Variants in PAX8 observed in about 807,000 individuals in gnomAD.
PAX8 encodes the protein paired box protein Pax-8.
In PAX8, 15 loss-of-function variants were observed where a neutral mutation model predicts 52.4. The ratio of observed to expected loss-of-function variants is 0.29; its 90% CI spans 0.19 to 0.44. The LOEUF is 0.44. Among genes scored for constraint, PAX8 ranks in the 20% least tolerant of loss-of-function variants. PAX8 has a pLI of 1.00. For synonymous variants in PAX8, 284 were observed against 249.7 expected (o/e 1.14, Z -1.29); for missense variants, 554 against 602.5 (o/e 0.92, Z 0.84).
rs751606741 is a variant in PAX8, at chr2:113,246,869, G to A, written c.76C>T (p.Leu26=). ...ATGCGCTGGCGGACCACTTCCGGCA[G>A]AGGTCTGCCATTCACAAAGGCCCCT... ...LGGAFVNGRP[L]PEVVRQRIVD... The change falls in exon 3 of 12, where the codon CTG becomes TTG. Residue 26 remains leucine, a synonymous_variant. Transcript: ENST00000429538. 27 of 1,614,108 alleles carry A rather than the reference G, an allele frequency of 1.7e-5. No individual in the cohort carries two copies. The highest frequency in any genetic ancestry group is 2.1e-5 in the Non-Finnish European group (25 of 1,180,030).
At position 113,246,870 on chromosome 2, in the gene PAX8, A is replaced by G. The variant is rs1321193232; in HGVS notation, c.75T>C (p.Pro25=). 1.9e-6 allele frequency: 3 copies of G among 1,614,194 alleles called. No individual in the cohort carries two copies. In the Admixed American group the frequency reaches 5.0e-5, roughly 27 times the overall value. The part of the protein sequence containing the change: ...QLGGAFVNGR[P]LPEVVRQRIV... ...TGCGCTGGCGGACCACTTCCGGCAG[A>G]GGTCTGCCATTCACAAAGGCCCCTC... Residue 25 remains proline, a synonymous_variant, in exon 3 of 12, where the codon CCT becomes CCC. Transcript: ENST00000429538.
chr2:113,254,066 C>T (rs965760150), intron 2 of PAX8, among the ~76,000 whole-genome samples: 5 of 152,104 alleles, frequency 3.3e-5, no homozygotes, highest in Admixed American at 1.3e-4. Context: ...AACTAATAGC[C>T]TTTATCTTTT....
rs1255560963 is a variant in PAX8, at chr2:113,235,400, G to A, written c.1081C>T (p.Leu361Phe). 5 of 1,580,094 alleles carry A rather than the reference G, an allele frequency of 3.2e-6. No individual in the cohort carries two copies. Among genetic ancestry groups the A allele is most frequent in the South Asian group, 2.3e-5 (2 of 86,860 alleles). The change falls in exon 9 of 12, where the codon CTC becomes TTC. Residue 361 changes from leucine to phenylalanine, a missense_variant. Around this residue, in one of 2 missense-constraint regions of PAX8, gnomAD observed 445 missense variants for 409.9 expected, o/e 1.09. Coordinates refer to ENST00000429538, the MANE Select transcript of PAX8 (RefSeq NM_003466.4). ...CGGGACCTCCCTGTCGTACCTGAGA[G>A]GAGGGCCTGGCCCGTGAACTGCCCG... The part of the protein sequence containing the change: ...VYGQFTGQAL[L>F]SGREMVGPTL...
At chr2:113,255,190 TAGAGGGAAGGAG>T (rs1692128133) in intron 2 of PAX8, among the ~76,000 whole-genome samples, 17 of 117,224 alleles carry the variant, frequency 1.5e-4, no homozygotes, top group Non-Finnish European at 2.5e-4. Context: ...GACAGAGGAA[TAGAGGGAAGGAG>T]AGAGGGAAGG....
At chr2:113,223,010 G>A (rs1033607754) in intron 10 of PAX8, among the ~76,000 whole-genome samples, 2 of 152,028 alleles carry the variant, frequency 1.3e-5, no homozygotes, top group African/African-American at 4.8e-5. Flanking sequence ...CCCCAGGCTT[G>A]GTTTCTAGTA....
intron 3 of PAX8, among the ~76,000 whole-genome samples, chr2:113,245,247 A>T (rs1691218201): frequency 6.6e-6 from 1 of 151,956 alleles, no homozygotes; most frequent in African/African-American, 2.4e-5. Flanking sequence ...GGTTTCACTC[A>T]GTTGGCCTGG....
At chr2:113,233,468 A>G (rs979107892) in intron 9 of PAX8, among the ~76,000 whole-genome samples, 1 of 152,132 alleles carries the variant, frequency 6.6e-6, no homozygotes, top group African/African-American at 2.4e-5. Flanking sequence ...GACCAAGGTC[A>G]GGAGATTGAG....
At chr2:113,256,771 G>A (rs1692296512) in intron 2 of PAX8, among the ~76,000 whole-genome samples, 1 of 151,994 alleles carries the variant, frequency 6.6e-6, no homozygotes, top group Admixed American at 6.5e-5. Flanking sequence ...AAAGCTATAT[G>A]GAGAAGAGAG....
chr2:113,274,747 T>C (rs539361275), intron 2 of PAX8: 2 of 152,366 alleles, frequency 1.3e-5, no homozygotes, highest in Admixed American at 6.5e-5. Flanking sequence ...TTTCTTACAA[T>C]TGGCTCTTAC....
chr2:113,250,284 A>G (rs1367948222), intron 2 of PAX8, among the ~76,000 whole-genome samples: 1 of 149,734 alleles, frequency 6.7e-6, no homozygotes, highest in Non-Finnish European at 1.5e-5. Context: ...AAAAAAAAAA[A>G]GAAGATAGGG....
chr2:113,264,483 G>T (rs1692917235), intron 2 of PAX8, among the ~76,000 whole-genome samples: 1 of 152,228 alleles, frequency 6.6e-6, no homozygotes, highest in Non-Finnish European at 1.5e-5. Context: ...AAACTCAAAT[G>T]TGCAAGTTGC....
chr2:113,243,831 C>T (rs1691081038), intron 4 of PAX8, among the ~76,000 whole-genome samples: 1 of 152,228 alleles, frequency 6.6e-6, no homozygotes, highest in East Asian at 1.9e-4. Context: ...TCCTGTGCTA[C>T]CTTGCATATC....
chr2:113,239,940 CTT>C (rs1690677537), intron 7 of PAX8: 2 of 152,296 alleles, frequency 1.3e-5, no homozygotes, highest in Middle Eastern at 3.4e-3. Context: ...AGCTCAAAGA[CTT>C]TCTCATTCCA....
intron 10 of PAX8, among the ~76,000 whole-genome samples, chr2:113,224,839 T>TATAAAATAAAATAAA (rs56177103): frequency 6.1e-4 from 88 of 143,576 alleles, no homozygotes; most frequent in Admixed American, 2.3e-3. Flanking sequence ...TAAAATAAAA[T>TATAAAATAAAATAAA]ATAAAATAAA....
chr2:113,261,779 G>A (rs1424897552), intron 2 of PAX8, among the ~76,000 whole-genome samples: 5 of 151,982 alleles, frequency 3.3e-5, no homozygotes, highest in South Asian at 2.1e-4. Context: ...TGAGGTTTGC[G>A]CAGAACATGT....
Position 113,216,203 on chromosome 2 carries a change from G to A in PAX8, c.*2330C>T, listed in dbSNP as rs1689024395. 4.3e-6 allele frequency: 1 copy of A among 230,766 alleles called. No homozygotes were observed. 14.3% of individuals were successfully genotyped at this position (230,766 alleles called of 1,614,324 possible). A position where few individuals can be genotyped will look rare whatever the true frequency, so the allele number is the denominator to read the frequency against. On this transcript the variant is annotated 3_prime_UTR_variant, in exon 12 of 12. Coordinates refer to ENST00000429538, the MANE Select transcript of PAX8 (RefSeq NM_003466.4). ...TTTGTGGTCAGGAAGACTCTCAGAT[G>A]TCATGGATTCGGAGTCGCGCTGCAG...
chr2:113,219,852 T>C (rs1012790398), intron 11 of PAX8, among the ~76,000 whole-genome samples: 2 of 152,174 alleles, frequency 1.3e-5, no homozygotes, highest in African/African-American at 4.8e-5. Context: ...TTAAAAGACA[T>C]GGGCTTGAGA....
chr2:113,227,196 T>C lies in PAX8; in HGVS notation c.1148A>G (p.Gln383Arg), dbSNP rs763786439. 2 of 1,609,654 alleles carry C rather than the reference T, an allele frequency of 1.2e-6. No individual in the cohort carries two copies. The highest frequency in any genetic ancestry group is 1.7e-5 in the Admixed American group (1 of 59,362). Residue 383 changes from glutamine to arginine, a missense_variant, in exon 10 of 12, where the codon CAG becomes CGG. Transcript: ENST00000429538. Reference protein sequence around the residue: ...GYPPHIPTSGQGSYASSAIAG... With the variant: ...GYPPHIPTSGRGSYASSAIAG... ...GATGGCAGAGGAGGCATAGCTGCCC[T>C]GTCCGCTGGTGGGGATGTGGGGTGG...
Position 113,217,957 on chromosome 2 carries a change from T to C in PAX8, c.*576A>G, listed in dbSNP as rs550032556. ...TCAGCCCATGCCCAAGAGGGAGGTG[T>C]AGAAAGAGCCAAGCAAATGGAGTGG... On this transcript the variant is annotated 3_prime_UTR_variant, in exon 12 of 12. Coordinates refer to ENST00000429538, the MANE Select transcript of PAX8 (RefSeq NM_003466.4). The C allele has an allele frequency of 4.3e-6, 1 of 233,104 alleles. No homozygotes were observed. Among genetic ancestry groups the C allele is most frequent in the East Asian group, 6.0e-5 (1 of 16,558 alleles). 14.4% of individuals were successfully genotyped at this position (233,104 alleles called of 1,614,324 possible). A position where few individuals can be genotyped will look rare whatever the true frequency, so the allele number is the denominator to read the frequency against.
Sources: gnomAD v4.1 joint callset for allele counts (sites outside exome capture counted in the v4.1 genomes callset) on GRCh38, gnomAD v4.1.1 for gene constraint, gnomAD v4.1.1 regional missense constraint, MANE v1.5 for transcripts, NCBI Gene and HGNC (gene_info 2026-07-23, HGNC 2026-07-21) for gene names.